Variants in SCARB1 observed in about 807,000 individuals in gnomAD.
The protein encoded by SCARB1 is scavenger receptor class B member 1.
In SCARB1, 30 loss-of-function variants were observed where a neutral mutation model predicts 57.2. The observed-to-expected ratio is 0.52, with a 90% confidence interval of 0.39 to 0.71. The LOEUF (loss-of-function observed/expected upper bound fraction) is 0.71, where lower values mean the gene tolerates loss of function less well. SCARB1 is among the 30% of genes least tolerant of loss of function. The pLI is 0.00. For synonymous variants in SCARB1, 249 were observed against 268.3 expected (o/e 0.93, Z 0.70); for missense variants, 543 against 671.2 (o/e 0.81, Z 2.11).
intron 2 of SCARB1, among the ~76,000 whole-genome samples, chr12:124,816,500 T>C (rs956505379): frequency 6.6e-6 from 1 of 152,234 alleles, no homozygotes; most frequent in African/African-American, 2.4e-5. Context: ...ATGCAGCAGC[T>C]GATTCATGTT....
chr12:124,811,909 G>A lies in SCARB1; in HGVS notation c.687C>T (p.Ser229=). Residue 229 remains serine, a synonymous_variant, in exon 5 of 13, where the codon AGC becomes AGT. Coordinates refer to ENST00000261693, the MANE Select transcript of SCARB1 (RefSeq NM_005505.5). ...FTVFTGVQNI[S]RIHLVDKWNG... is the part of the protein sequence containing the mutation. ...TCCACTTGTCCACGAGGTGGATCCT[G>A]CTGATGTTCTGGACCCCCGTGAACA... 6.2e-7 allele frequency: 1 copy of A among 1,613,360 alleles called. No homozygotes were observed. The highest frequency in any genetic ancestry group is 8.5e-7 in the Non-Finnish European group (1 of 1,179,722).
chr12:124,846,327 C>T (rs1033131691), intron 1 of SCARB1, among the ~76,000 whole-genome samples: 11 of 152,182 alleles, frequency 7.2e-5, no homozygotes, highest in Non-Finnish European at 1.2e-4. Flanking sequence ...GGTGAAGACA[C>T]GCACGCCATG....
rs1347494497 is a variant in SCARB1 at position 124,833,259 on chromosome 12, G to A, written c.127-15552C>T. Among the ~76,000 whole-genome samples the A allele has an allele frequency of 4.0e-5, 6 of 150,228 alleles. 1 individual carries two copies. The highest frequency in any genetic ancestry group is 3.9e-4 in the East Asian group (2 of 5,144). On this transcript the variant is annotated intron_variant, in intron 1 of 12. Coordinates refer to ENST00000261693, the MANE Select transcript of SCARB1 (RefSeq NM_005505.5). ...GGCTGGAATGCAGTGGTGTGATCAC[G>A]GCTTACTGCAGCCTCGAACTCCCGG... is the stretch of plus-strand genomic sequence containing the variant.
In SCARB1 at chr12:124,778,218, G is replaced by A; in HGVS notation, c.*369C>T. On this transcript the variant is annotated 3_prime_UTR_variant, in exon 13 of 13. Coordinates refer to ENST00000261693, the MANE Select transcript of SCARB1 (RefSeq NM_005505.5). ...TCACCTTGGAGGGGAGGAAGCCTGG[G>A]CCCAACGGCTGAACGGGACAGGCCA... 2.6e-6 allele frequency: 1 copy of A among 377,904 alleles called. No homozygotes were observed. Among genetic ancestry groups the A allele is most frequent in the East Asian group, 3.9e-5 (1 of 25,636 alleles). The allele number at this position is 377,904 out of a possible 1,614,324, so 23.4% of individuals were successfully genotyped here.
intron 4 of SCARB1, among the ~76,000 whole-genome samples, chr12:124,813,418 G>A (rs1950590933): frequency 6.6e-6 from 1 of 152,200 alleles, no homozygotes; most frequent in African/African-American, 2.4e-5. Context: ...GTAGTAGAAG[G>A]CTTCCAGATC....
At chr12:124,823,993 C>T (rs922058871) in intron 1 of SCARB1, among the ~76,000 whole-genome samples, 1 of 150,888 alleles carries the variant, frequency 6.6e-6, no homozygotes, top group Non-Finnish European at 1.5e-5. Flanking sequence ...GGTGAAACCC[C>T]GCCTCTATTA....
intron 1 of SCARB1, among the ~76,000 whole-genome samples, chr12:124,826,602 G>T (rs374986244): frequency 1.3e-5 from 2 of 151,776 alleles, no homozygotes; most frequent in Non-Finnish European, 1.5e-5. Context: ...ATACCACCAC[G>T]CCCGGCTATT....
chr12:124,847,955 G>A (rs943836858), intron 1 of SCARB1, among the ~76,000 whole-genome samples: 10 of 152,136 alleles, frequency 6.6e-5, no homozygotes, highest in Non-Finnish European at 1.2e-4. Flanking sequence ...AAAAGCACCC[G>A]CCTGGCCCCT....
At chr12:124,857,954 C>G (rs535873241) in intron 1 of SCARB1, among the ~76,000 whole-genome samples, 6 of 152,218 alleles carry the variant, frequency 3.9e-5, no homozygotes, top group Admixed American at 6.5e-5. Flanking sequence ...CCTCTCCCCA[C>G]GTCCACCAGC....
At chr12:124,780,688 C>T (rs1054169296) in intron 12 of SCARB1, among the ~76,000 whole-genome samples, 1 of 152,210 alleles carries the variant, frequency 6.6e-6, no homozygotes, top group African/African-American at 2.4e-5. Flanking sequence ...GTCTCATCAC[C>T]TAAAAATTGG....
Position 124,814,885 on chromosome 12 carries a change from G to A in SCARB1, c.426+88C>T. 1 of 1,560,328 alleles carries A rather than the reference G, an allele frequency of 6.4e-7. No homozygotes were observed. Among genetic ancestry groups the A allele is most frequent in the Non-Finnish European group, 8.8e-7 (1 of 1,138,574 alleles). On this transcript the variant is annotated intron_variant, in intron 3 of 12. Coordinates refer to ENST00000261693, the MANE Select transcript of SCARB1 (RefSeq NM_005505.5). This position sits in a 1 kb window ranked among gnomAD's most constrained non-coding sequence, Gnocchi z 4.7. Reference sequence around the variant, plus strand: ...GTCCCCACGCTCCGACCACCTCAGGGACTGCTCTCTGCACAAGGGGCAGGC... The same window carrying A: ...GTCCCCACGCTCCGACCACCTCAGGAACTGCTCTCTGCACAAGGGGCAGGC...
chr12:124,803,854 G>A (rs1950229567), intron 7 of SCARB1, among the ~76,000 whole-genome samples: 1 of 151,674 alleles, frequency 6.6e-6, no homozygotes, highest in African/African-American at 2.4e-5. Flanking sequence ...CACTGCACTT[G>A]AGCCTGGGCA....
intron 1 of SCARB1, among the ~76,000 whole-genome samples, chr12:124,848,275 G>C (rs946623680): frequency 6.6e-6 from 1 of 152,122 alleles, no homozygotes; most frequent in Admixed American, 6.5e-5. Context: ...GTAGAGACAG[G>C]GTTTCACCAT....
chr12:124,858,878 C>CA (rs1353288326), intron 1 of SCARB1, among the ~76,000 whole-genome samples: 474 of 123,216 alleles, frequency 3.8e-3, no homozygotes, highest in African/African-American at 5.9e-3. Context: ...GACTCCGTCT[C>CA]AAAAAAAAAA....
At chr12:124,782,206 C>T (rs1206240738) in intron 12 of SCARB1, among the ~76,000 whole-genome samples, 3 of 152,138 alleles carry the variant, frequency 2.0e-5, no homozygotes, top group African/African-American at 7.2e-5. Context: ...CCGCACCTGG[C>T]CAGTCATCCC....
chr12:124,849,699 G>C (rs1313736016), intron 1 of SCARB1, among the ~76,000 whole-genome samples: 1 of 152,324 alleles, frequency 6.6e-6, no homozygotes, highest in East Asian at 1.9e-4. Flanking sequence ...AAAAATAAAA[G>C]ATAGAACTGA....
Position 124,808,621 on chromosome 12 carries a change from G to A in SCARB1, c.843-694C>T, listed in dbSNP as rs79931880. Among the ~76,000 whole-genome samples, 967 of 152,122 alleles carry A rather than the reference G, an allele frequency of 6.4e-3. 21 individuals carry two copies. Among genetic ancestry groups the A allele is most frequent in the East Asian group, 0.058 (300 of 5,174 alleles). On this transcript the variant is annotated intron_variant, in intron 6 of 12. Transcript: ENST00000261693. Reference sequence around the variant, plus strand: ...TGTCACTTCCTCGGGTGGCAGCACCGTCCCCCACACCCACCCCATCCACCC... The same window carrying A: ...TGTCACTTCCTCGGGTGGCAGCACCATCCCCCACACCCACCCCATCCACCC...
intron 9 of SCARB1, among the ~76,000 whole-genome samples, chr12:124,791,949 A>G (rs1042325090): frequency 3.3e-5 from 5 of 151,368 alleles, no homozygotes; most frequent in African/African-American, 1.2e-4. Flanking sequence ...AGCAAGATCC[A>G]TCTTAAAAAA....
chr12:124,782,575 T>C (rs1450287118), intron 12 of SCARB1, 108 bp downstream of exon 12: 2 of 1,093,190 alleles, frequency 1.8e-6, no homozygotes, highest in Non-Finnish European at 2.7e-6. Flanking sequence ...ACACTCCAGG[T>C]GAAGTTGAGG....
Sources: allele counts gnomAD v4.1 joint callset (sites outside exome capture counted in the v4.1 genomes callset), GRCh38; gene constraint gnomAD v4.1.1; non-coding constraint Gnocchi (gnomAD v3.1); transcripts MANE v1.5; gene names NCBI Gene and HGNC (gene_info 2026-07-23, HGNC 2026-07-21).